The following DYNC2H1 variants were observed in gnomAD, a reference collection of about 807,000 sequenced individuals.
The protein encoded by DYNC2H1 is dynein cytoplasmic 2 heavy chain 1.
In DYNC2H1, 410 loss-of-function variants were observed where a neutral mutation model predicts 570.0. That is an observed-to-expected ratio of 0.72 (90% CI 0.66 to 0.78). DYNC2H1 has a LOEUF of 0.78. Among genes scored for constraint, DYNC2H1 ranks in the 30% least tolerant of loss-of-function variants. The pLI, the probability that DYNC2H1 is intolerant of heterozygous loss-of-function variation, is 0.00. For missense variants in DYNC2H1, 4,865 were observed against 5,046.4 expected, an observed-to-expected ratio of 0.96 and a Z score of 1.09; for synonymous variants, 1,688 against 1,677.6, an observed-to-expected ratio of 1.01 and a Z score of -0.15.
At chr11:103,191,080 C>A (rs1264416257) in intron 45 of DYNC2H1, among the ~76,000 whole-genome samples, 1 of 147,790 alleles carries the variant, frequency 6.8e-6, no homozygotes, top group Non-Finnish European at 1.5e-5. Context: ...CGCTTTGTCG[C>A]CCAGGTTGTA....
chr11:103,450,204 A>G (rs1723508295), intron 85 of DYNC2H1, among the ~76,000 whole-genome samples: 1 of 152,228 alleles, frequency 6.6e-6, no homozygotes. Flanking sequence ...TTGAAAATAA[A>G]TGAAGCAAAA....
At position 103,369,442 on chromosome 11, in the gene DYNC2H1, A is replaced by C. The variant is rs1219901317; in HGVS notation, c.12156+11083A>C. ...TGCTGAACTAGGCCCAGAGACAGTG[A>C]ACTGGAAGGGACACGTGACCTACTG... On this transcript the variant is annotated intron_variant, in intron 83 of 88. Coordinates refer to ENST00000375735, the MANE Select transcript of DYNC2H1 (RefSeq NM_001377.3). The surrounding 1 kb of genome is among the most constrained non-coding windows in gnomAD (Gnocchi z 4.0). 6.6e-6 allele frequency among the ~76,000 whole-genome samples: 1 copy of C among 152,138 alleles called. No individual in the cohort carries two copies. Among genetic ancestry groups the C allele is most frequent in the Non-Finnish European group, 1.5e-5 (1 of 68,020 alleles).
intron 40 of DYNC2H1, among the ~76,000 whole-genome samples, chr11:103,184,596 C>T (rs1023317235): frequency 4.6e-5 from 7 of 151,876 alleles, no homozygotes; most frequent in African/African-American, 1.7e-4. Flanking sequence ...CTTTTTGGAA[C>T]AATGCTCCCT....
chr11:103,310,699 G>GTTTTTTTTT (rs1867545678), intron 78 of DYNC2H1, among the ~76,000 whole-genome samples: 1 of 32,096 alleles, frequency 3.1e-5, no homozygotes, highest in Non-Finnish European at 6.0e-5. Flanking sequence ...TTTTTTTTTT[G>GTTTTTTTTT]GGAGACTGAG....
chr11:103,122,908 C>T lies in DYNC2H1; in HGVS notation c.1569C>T (p.Leu523=), dbSNP rs1280031254. ...GTTTCCATCAAAGTGCCAAAGATCT[C>T]TTAGACCAGCTTAAACTATATGAAC... ...FRCFHQSAKD[L]LDQLKLYEQE... is the part of the protein sequence containing the mutation. The change falls in exon 11 of 89, where the codon CTC becomes CTT. Residue 523 remains leucine (L), a synonymous_variant. Coordinates refer to ENST00000375735, the MANE Select transcript of DYNC2H1 (RefSeq NM_001377.3). The T allele has an allele frequency of 1.9e-6, 3 of 1,612,744 alleles. No individual in the cohort carries two copies. The highest frequency in any genetic ancestry group is 2.5e-6 in the Non-Finnish European group (3 of 1,179,334).
At chr11:103,227,418 C>G (rs943098621) in intron 59 of DYNC2H1, among the ~76,000 whole-genome samples, 9 of 152,060 alleles carry the variant, frequency 5.9e-5, no homozygotes, top group African/African-American at 2.2e-4. Flanking sequence ...TTTCAACTTC[C>G]ATTTTGATTT....
At chr11:103,220,503 G>C in intron 56 of DYNC2H1, 120 bp from the exon 57 acceptor site, 1 of 962,862 alleles carries the variant, frequency 1.0e-6, no homozygotes, top group Admixed American at 3.0e-5. Context: ...TATTTTAAGA[G>C]AGAGAACATT....
chr11:103,122,705 T>A (rs1406505390), intron 10 of DYNC2H1, 120 bp from the exon 11 acceptor site: 1 of 842,492 alleles, frequency 1.2e-6, no homozygotes, highest in Non-Finnish European at 1.8e-6. Context: ...TCCGTTTCAC[T>A]GTTTATAGAT....
At chr11:103,257,517 G>T in intron 68 of DYNC2H1, 91 bp from the exon 69 acceptor site, 1 of 1,238,182 alleles carries the variant, frequency 8.1e-7, no homozygotes, top group Non-Finnish European at 1.1e-6. Flanking sequence ...TATTACTTGG[G>T]TAGATATGTG....
chr11:103,141,822 A>G (rs1266694338), intron 17 of DYNC2H1, among the ~76,000 whole-genome samples: 1 of 152,242 alleles, frequency 6.6e-6, no homozygotes, highest in Non-Finnish European at 1.5e-5. Context: ...TGGAGCCTAC[A>G]GAGGCAGGCA....
At chr11:103,386,734 A>G (rs1456423941) in intron 83 of DYNC2H1, among the ~76,000 whole-genome samples, 1 of 151,998 alleles carries the variant, frequency 6.6e-6, no homozygotes, top group African/African-American at 2.4e-5. Context: ...CCCACCTATG[A>G]GTGAGAACAT....
At chr11:103,396,063 G>A (rs903878892) in intron 83 of DYNC2H1, among the ~76,000 whole-genome samples, 15 of 151,918 alleles carry the variant, frequency 9.9e-5, no homozygotes, top group Non-Finnish European at 1.5e-4. Context: ...AACATACATT[G>A]AACCAAGACA....
chr11:103,293,651 C>A (rs1252199763), intron 75 of DYNC2H1, among the ~76,000 whole-genome samples: 2 of 151,882 alleles, frequency 1.3e-5, no homozygotes, highest in Non-Finnish European at 2.9e-5. Flanking sequence ...TGTTTTCAAA[C>A]TCACTAATTT....
intron 82 of DYNC2H1, among the ~76,000 whole-genome samples, chr11:103,342,446 C>A (rs149947344): frequency 2.6e-5 from 4 of 151,914 alleles, no homozygotes; most frequent in Admixed American, 1.3e-4. Flanking sequence ...CAACGTGGAA[C>A]CTTTGTTCTT....
chr11:103,225,609 A>G (rs925544363), intron 59 of DYNC2H1, among the ~76,000 whole-genome samples: 3 of 152,104 alleles, frequency 2.0e-5, no homozygotes, highest in Non-Finnish European at 4.4e-5. Context: ...CCATTGGTCT[A>G]TGTGCCTATT....
At chr11:103,452,110 C>T (rs1384077) in intron 85 of DYNC2H1, among the ~76,000 whole-genome samples, 37,246 of 151,794 alleles carry the variant, frequency 0.25, 4,747 homozygotes, top group Admixed American at 0.33. Context: ...AGAATGTGAA[C>T]TGAAGATTGA....
Position 103,396,954 on chromosome 11 carries a change from T to C in DYNC2H1, c.12157-2709T>C, listed in dbSNP as rs562131556. Among the ~76,000 whole-genome samples, 3 of 152,236 alleles carry C rather than the reference T, an allele frequency of 2.0e-5. No homozygotes were observed. In the East Asian group the frequency reaches 5.8e-4, roughly 29 times the overall value. On this transcript the variant is annotated intron_variant, in intron 83 of 88. Transcript: ENST00000375735. Reference sequence around the variant, plus strand: ...CACATGGACATACAAAGTGGAATAATAGATATGGGGCACTGTAAAAGGTGG... The same window carrying C: ...CACATGGACATACAAAGTGGAATAACAGATATGGGGCACTGTAAAAGGTGG...
intron 65 of DYNC2H1, among the ~76,000 whole-genome samples, chr11:103,248,312 G>A (rs1257520830): frequency 6.6e-6 from 1 of 151,922 alleles, no homozygotes; most frequent in Non-Finnish European, 1.5e-5. Flanking sequence ...TCTACATAAT[G>A]GAATGGAATT....
At chr11:103,321,604 ATAT>A (rs1481950273) in intron 81 of DYNC2H1, among the ~76,000 whole-genome samples, 3 of 152,172 alleles carry the variant, frequency 2.0e-5, no homozygotes, top group Non-Finnish European at 4.4e-5. Context: ...AAGAAGACAA[ATAT>A]TATTTAATAA....
Sources: gnomAD v4.1 joint callset for allele counts (sites outside exome capture counted in the v4.1 genomes callset) on GRCh38, gnomAD v4.1.1 for gene constraint, Gnocchi (gnomAD v3.1) non-coding constraint, MANE v1.5 for transcripts, NCBI Gene and HGNC (gene_info 2026-07-23, HGNC 2026-07-21) for gene names.